UBR4: variants seen among roughly 807,000 people sequenced by gnomAD.
UBR4 encodes ubiquitin protein ligase E3 component n-recognin 4, also known as E3 ubiquitin-protein ligase UBR4.
A neutral mutation model predicts 575.6 loss-of-function variants in UBR4; 124 were observed. The ratio of observed to expected loss-of-function variants is 0.22; its 90% confidence interval spans 0.19 to 0.25. The LOEUF is 0.25. UBR4 is among the 10% of genes least tolerant of loss of function. UBR4 has a pLI of 1.00. For synonymous variants in UBR4, 2,455 were observed against 2,473.7 expected, an observed-to-expected ratio of 0.99 and a Z score of 0.22; for missense variants, 4,818 against 6,478.8, an observed-to-expected ratio of 0.74 and a Z score of 8.80.
intron 39 of UBR4, among the ~76,000 whole-genome samples, chr1:19,159,423 G>C (rs2086939835): frequency 6.6e-6 from 1 of 152,058 alleles, no homozygotes; most frequent in Admixed American, 6.5e-5. Flanking sequence ...TTGTAAGTTA[G>C]ATGAACTTTA....
At chr1:19,203,997 G>C (rs544259457) in intron 1 of UBR4, among the ~76,000 whole-genome samples, 2 of 151,988 alleles carry the variant, frequency 1.3e-5, no homozygotes, top group South Asian at 4.2e-4. Context: ...TTTACTTCCA[G>C]CCTTATACTT....
intron 85 of UBR4, 160 bp from the exon 86 acceptor site, chr1:19,104,826 G>T: frequency 9.4e-7 from 1 of 1,062,206 alleles, no homozygotes; most frequent in Non-Finnish European, 1.4e-6. Flanking sequence ...CAGTCACAGC[G>T]CTGGTAAGGG....
chr1:19,161,880 G>A lies in UBR4; in HGVS notation c.4974C>T (p.Cys1658=), dbSNP rs779870544. The part of the protein sequence containing the change: ...QAEDSDEDSL[C]NKLCTFTITQ... ...TGATCGTAAAAGTGCAGAGTTTATT[G>A]CAAAGAGAATCTTCATCCTTCAAAA... The change falls in exon 36 of 106, where the codon TGC becomes TGT. Residue 1658 remains cysteine, a synonymous_variant. Coordinates refer to ENST00000375254, the MANE Select transcript of UBR4 (RefSeq NM_020765.3). 1.9e-6 allele frequency: 3 copies of A among 1,614,198 alleles called. No individual in the cohort carries two copies. Among genetic ancestry groups the A allele is most frequent in the Non-Finnish European group, 2.5e-6 (3 of 1,180,030 alleles).
At chr1:19,166,074 C>T (rs929845633) in intron 29 of UBR4, among the ~76,000 whole-genome samples, 2 of 152,184 alleles carry the variant, frequency 1.3e-5, no homozygotes, top group Non-Finnish European at 2.9e-5. Flanking sequence ...ATCATTTCTA[C>T]ACAGCTAAAA....
intron 8 of UBR4, among the ~76,000 whole-genome samples, chr1:19,194,793 T>C (rs1395922323): frequency 6.6e-6 from 1 of 151,506 alleles, no homozygotes; most frequent in East Asian, 2.0e-4. Flanking sequence ...AAGAGCGAAA[T>C]GCCATCTCAA....
At chr1:19,108,012 A>G (rs956253734) in intron 81 of UBR4, among the ~76,000 whole-genome samples, 2 of 152,224 alleles carry the variant, frequency 1.3e-5, no homozygotes, top group African/African-American at 2.4e-5. Context: ...TTGTCATGAC[A>G]GGTTGTTTTG....
rs1173505490 is a variant in UBR4 at position 19,150,790 on chromosome 1, C to T, written c.7217G>A (p.Gly2406Glu). The change falls in exon 49 of 106, where the codon GGG becomes GAG. Residue 2406 changes from glycine (G) to glutamate (E), a missense_variant. By Grantham distance (98) the Gly-to-Glu change is moderately conservative (BLOSUM62 -2). Coordinates refer to ENST00000375254, the MANE Select transcript of UBR4 (RefSeq NM_020765.3). ...GACACCTGCTGGATCCACCGAGGCC[C>T]CAACTGCAATAAGCAAGAGAGGCCT... is the stretch of plus-strand genomic sequence containing the variant. Reference protein sequence around the residue: ...QADKKLNLFIGASVDPAGVTM... With the variant: ...QADKKLNLFIEASVDPAGVTM... The T allele has an allele frequency of 6.2e-7, 1 of 1,613,688 alleles. No homozygotes were observed. The highest frequency in any genetic ancestry group is 8.5e-7 in the Non-Finnish European group (1 of 1,179,994).
chr1:19,086,737 A>G lies in UBR4; in HGVS notation c.14629T>C (p.Tyr4877His). Residue 4877 changes from tyrosine (Y) to histidine (H), a missense_variant, in exon 100 of 106, where the codon TAC becomes CAC. By Grantham distance (83) the Tyr-to-His change is moderately conservative. Around this residue, in one of 29 missense-constraint regions of UBR4, gnomAD observed 196 missense variants for 386.8 expected, o/e 0.51. Coordinates refer to ENST00000375254, the MANE Select transcript of UBR4 (RefSeq NM_020765.3). ...MENKPRKQQG[Y>H]STVSHFNIVH... Reference sequence around the variant, plus strand: ...ATGTTGAAGTGGGACACGGTGCTGTAGCCCTGCTGTTTCCGGGGCTTATTC... The same window carrying G: ...ATGTTGAAGTGGGACACGGTGCTGTGGCCCTGCTGTTTCCGGGGCTTATTC... 6.2e-7 allele frequency: 1 copy of G among 1,614,246 alleles called. No individual in the cohort carries two copies. Among genetic ancestry groups the G allele is most frequent in the East Asian group, 2.2e-5 (1 of 44,890 alleles).
intron 60 of UBR4, among the ~76,000 whole-genome samples, chr1:19,134,496 T>A (rs190593741): frequency 6.6e-6 from 1 of 152,266 alleles, no homozygotes; most frequent in Admixed American, 6.5e-5. Context: ...AAAGTAATAA[T>A]GAGCTCACTA....
intron 76 of UBR4, 49 bp from the exon 77 acceptor site, chr1:19,113,876 CACCT>C (rs2080181870): frequency 6.2e-7 from 1 of 1,613,976 alleles, no homozygotes; most frequent in East Asian, 2.2e-5. Context: ...AAGGTGATCT[CACCT>C]AGGAGGCAGT....
intron 97 of UBR4, among the ~76,000 whole-genome samples, chr1:19,092,515 A>G (rs2077623859): frequency 2.0e-5 from 3 of 152,268 alleles, no homozygotes; most frequent in Middle Eastern, 3.4e-3. Flanking sequence ...TGATGGTAAT[A>G]TAAGTGTCCT....
chr1:19,173,012 C>T lies in UBR4; in HGVS notation c.3373G>A (p.Asp1125Asn). The T allele has an allele frequency of 6.2e-7, 1 of 1,614,146 alleles. No individual in the cohort carries two copies. The highest frequency in any genetic ancestry group is 8.5e-7 in the Non-Finnish European group (1 of 1,180,022). ...ACCTGGACCTTTGAGATCGCGGCAT[C>T]AAGGGTGTAGATGGACTGCAGACTG... ...IPSLQSIYTL[D>N]AAISKVQVSL... The change falls in exon 25 of 106, where the codon GAT (aspartate) becomes AAT (asparagine). Residue 1125 changes from aspartate (D) to asparagine (N), a missense_variant. Physicochemically the swap from Asp to Asn is conservative, Grantham distance 23 (BLOSUM62 1). Around this residue, in one of 29 missense-constraint regions of UBR4, gnomAD observed 1,172 missense variants for 1,259.7 expected, o/e 0.93. Coordinates refer to ENST00000375254, the MANE Select transcript of UBR4 (RefSeq NM_020765.3).
chr1:19,124,355 T>C (rs2081503561), intron 65 of UBR4, 186 bp downstream of exon 65: 3 of 707,500 alleles, frequency 4.2e-6, no homozygotes, highest in Non-Finnish European at 4.4e-6. Context: ...TATGGCTTGT[T>C]TGATACACAT....
intron 47 of UBR4, 24 bp from the exon 48 acceptor site, chr1:19,151,883 C>T (rs1465810676): frequency 6.5e-7 from 1 of 1,539,198 alleles, no homozygotes; most frequent in East Asian, 2.3e-5. Context: ...AGGCACACAT[C>T]AAGAAACTAC....
chr1:19,105,285 T>C lies in UBR4; in HGVS notation c.12504-96A>G, dbSNP rs2079062245. ...TCTCCTCCCAATCTTTCCTATCTTC[T>C]GCTGTCTGTCTCTCCTGCTTCCTAG... On this transcript the variant is annotated intron_variant, in intron 84 of 105. Transcript: ENST00000375254. 2.1e-6 allele frequency: 3 copies of C among 1,417,034 alleles called. No individual in the cohort carries two copies. In the South Asian group the frequency reaches 4.2e-5, roughly 20 times the overall value. 87.8% of individuals were successfully genotyped at this position (1,417,034 alleles called of 1,614,324 possible).
At position 19,174,446 on chromosome 1, in the gene UBR4, G is replaced by C; in HGVS notation, c.2855C>G (p.Ala952Gly). ...AAGCTTGGAGAAAAGGACGTCACAT[G>C]CCTGACATCAAGAAAGAAAGAGAGT... ...EDDLNRLDSV[A>G]CDVLFSKLVK... The change falls in exon 22 of 106, where the codon GCA becomes GGA. Residue 952 changes from alanine to glycine, a missense_variant and splice_region_variant. Transcript: ENST00000375254. 1 of 1,608,058 alleles carries C rather than the reference G, an allele frequency of 6.2e-7. No homozygotes were observed. Among genetic ancestry groups the C allele is most frequent in the African/African-American group, 1.3e-5 (1 of 74,990 alleles).
intron 28 of UBR4, 99 bp downstream of exon 28, chr1:19,167,928 A>C (rs1571365955): frequency 7.7e-7 from 1 of 1,295,630 alleles, no homozygotes; most frequent in East Asian, 2.6e-5. Flanking sequence ...GAAGTATATA[A>C]GAAAGCATTA....
chr1:19,164,674 C>G (rs1282647520), intron 32 of UBR4, 125 bp downstream of exon 32: 11 of 1,318,922 alleles, frequency 8.3e-6, no homozygotes, highest in Non-Finnish European at 1.2e-5. Context: ...ATCCTTGAGT[C>G]TAGAGAGAGG....
chr1:19,208,466 CAAAAA>C (rs71030137), intron 1 of UBR4, among the ~76,000 whole-genome samples: 773 of 76,866 alleles, frequency 0.01, 2 homozygotes, highest in Non-Finnish European at 0.014. Context: ...GAATCCATCT[CAAAAA>C]AAAAAAAAAA....
Sources: allele counts gnomAD v4.1 joint callset (sites outside exome capture counted in the v4.1 genomes callset), GRCh38; gene constraint gnomAD v4.1.1; regional missense constraint gnomAD v4.1.1; transcripts MANE v1.5; gene names NCBI Gene and HGNC (gene_info 2026-07-23, HGNC 2026-07-21).